The following HERC1 variants were observed in gnomAD, a reference collection of about 807,000 sequenced individuals.
The protein encoded by HERC1 is HECT and RLD domain containing E3 ubiquitin protein ligase family member 1.
In HERC1, 160 loss-of-function variants were observed where a neutral mutation model predicts 554.3. The observed-to-expected ratio is 0.29, with a 90% CI of 0.25 to 0.33. The LOEUF (loss-of-function observed/expected upper bound fraction) is 0.33. Among genes scored for constraint, HERC1 ranks in the 10% least tolerant of loss-of-function variants. The pLI, the probability that HERC1 is intolerant of heterozygous loss-of-function variation, is 1.00. For missense variants in HERC1, 4,919 were observed against 5,918.5 expected (o/e 0.83, Z 5.54); for synonymous variants, 2,175 against 2,131.7 (o/e 1.02, Z -0.56).
Position 63,623,804 on chromosome 15 carries a change from G to A in HERC1, c.13532C>T (p.Ala4511Val), listed in dbSNP as rs1424262968. 2 of 1,613,798 alleles carry A rather than the reference G, an allele frequency of 1.2e-6. No homozygotes were observed. The highest frequency in any genetic ancestry group is 1.7e-5 in the Admixed American group (1 of 60,016). Residue 4511 changes from alanine to valine, a missense_variant, in exon 73 of 78, where the codon GCG becomes GTG. Coordinates refer to ENST00000443617, the MANE Select transcript of HERC1 (RefSeq NM_003922.4). ...TTCTCCAACCAGCTTAACCTTCCAC[G>A]CTCGGGAAGGCAGGCGGAGGTCTGA... ...NASDLRLPSR[A>V]WKVKLVGEGA...
At chr15:63,621,368 T>A (rs2068070270) in intron 74 of HERC1, among the ~76,000 whole-genome samples, 1 of 152,270 alleles carries the variant, frequency 6.6e-6, no homozygotes, top group Non-Finnish European at 1.5e-5. Flanking sequence ...TATCTGCTGT[T>A]AGTCTGATGT....
chr15:63,784,045 A>G (rs955365296), intron 1 of HERC1, among the ~76,000 whole-genome samples: 1 of 149,440 alleles, frequency 6.7e-6, no homozygotes, highest in African/African-American at 2.5e-5. Flanking sequence ...CAGCCTGGTG[A>G]CACAGGAAGA....
In HERC1 at chr15:63,734,649, T is replaced by C; in HGVS notation, c.2646+75A>G. ...TATGCTCCAAGAACACATGGCAATTTATTAGTTTTATTTCCTTCTCAGTCC... is the reference window on the plus strand; with the variant it reads ...TATGCTCCAAGAACACATGGCAATTCATTAGTTTTATTTCCTTCTCAGTCC... On this transcript the variant is annotated intron_variant, in intron 13 of 77. Transcript: ENST00000443617. The surrounding 1 kb of genome is among the most constrained non-coding windows in gnomAD (Gnocchi z 4.6). 8.1e-7 allele frequency: 1 copy of C among 1,241,458 alleles called. No homozygotes were observed. Among genetic ancestry groups the C allele is most frequent in the Non-Finnish European group, 1.1e-6 (1 of 907,194 alleles). The allele number at this position is 1,241,458 out of a possible 1,614,324, so 76.9% of individuals were successfully genotyped here.
chr15:63,803,981 C>T (rs1011795218), intron 1 of HERC1, among the ~76,000 whole-genome samples: 1 of 152,142 alleles, frequency 6.6e-6, no homozygotes, highest in African/African-American at 2.4e-5. Flanking sequence ...AATAGACCCA[C>T]ATATATATGG....
chr15:63,625,476 T>A (rs1424240347), intron 71 of HERC1, among the ~76,000 whole-genome samples: 2 of 151,950 alleles, frequency 1.3e-5, no homozygotes, highest in Non-Finnish European at 2.9e-5. Context: ...GGGGGATCAT[T>A]TGAGGTCAGG....
At chr15:63,657,456 T>G (rs556148616) in intron 48 of HERC1, among the ~76,000 whole-genome samples, 2 of 152,252 alleles carry the variant, frequency 1.3e-5, no homozygotes, top group East Asian at 3.9e-4. Context: ...GTGAAACACT[T>G]CTTAATGTGT....
At chr15:63,615,975 G>A (rs901991690) in intron 75 of HERC1, 55 bp from the exon 76 acceptor site, 2 of 1,407,418 alleles carry the variant, frequency 1.4e-6, no homozygotes, top group Non-Finnish European at 9.6e-7. Flanking sequence ...ACAGCAAAAA[G>A]TATTTTACAT....
chr15:63,767,803 T>C (rs1485852118), intron 2 of HERC1, among the ~76,000 whole-genome samples: 1 of 152,214 alleles, frequency 6.6e-6, no homozygotes, highest in Admixed American at 6.5e-5. Context: ...GCAGAACTTT[T>C]TTGTCATCTA....
At chr15:63,706,525 T>C (rs538728882) in intron 25 of HERC1, among the ~76,000 whole-genome samples, 1 of 152,256 alleles carries the variant, frequency 6.6e-6, no homozygotes, top group East Asian at 1.9e-4. Flanking sequence ...ACATGACAAA[T>C]GAGAAAATAA....
intron 1 of HERC1, among the ~76,000 whole-genome samples, chr15:63,790,439 T>C (rs2076609374): frequency 6.6e-6 from 1 of 151,528 alleles, no homozygotes; most frequent in South Asian, 2.1e-4. Context: ...TAGCCGGGGG[T>C]AGTGGCGGGC....
At chr15:63,623,576 C>T (rs943321822) in intron 73 of HERC1, 149 bp downstream of exon 73, 13 of 738,212 alleles carry the variant, frequency 1.8e-5, no homozygotes, top group South Asian at 1.6e-4. Context: ...AATTTACCTA[C>T]GTATCACTAA....
At position 63,663,735 on chromosome 15, in the gene HERC1, TAGGCATGAGC is replaced by T. The variant is rs1240077103; in HGVS notation, c.8681-541_8681-532del. ...TCCACCTCCCAAAGTGCTGGGATTA[TAGGCATGAGC>T]CACTGATATAATGTTAATCATATAG... On this transcript the variant is annotated intron_variant, in intron 43 of 77. Transcript: ENST00000443617. Among the ~76,000 whole-genome samples, 5 of 152,180 alleles carry T rather than the reference TAGGCATGAGC, an allele frequency of 3.3e-5. 1 individual carries two copies. The highest frequency in any genetic ancestry group is 2.6e-4 in the Admixed American group (4 of 15,272).
intron 1 of HERC1, among the ~76,000 whole-genome samples, chr15:63,791,366 C>T (rs1036999027): frequency 6.6e-6 from 1 of 152,056 alleles, no homozygotes; most frequent in Non-Finnish European, 1.5e-5. Flanking sequence ...TATATATGTA[C>T]GTATACATAT....
Position 63,747,744 on chromosome 15 carries a change from T to C in HERC1, c.2334A>G (p.Pro778=), listed in dbSNP as rs2075108745. 6.5e-7 allele frequency: 1 copy of C among 1,546,420 alleles called. No homozygotes were observed. Among genetic ancestry groups the C allele is most frequent in the Non-Finnish European group, 8.7e-7 (1 of 1,144,000 alleles). Residue 778 remains proline, a synonymous_variant, in exon 11 of 78, where the codon CCA becomes CCG. Transcript: ENST00000443617. ...CATACCTTGATGAAGGGAAAGGGAG[T>C]GGGGGAATCTCACTGTTTATTTTAT... The part of the protein sequence containing the change: ...YCDKINSEIP[P]LPFPSSREHH...
chr15:63,622,989 G>T (rs1242187862), intron 73 of HERC1, 98 bp from the exon 74 acceptor site: 2 of 684,548 alleles, frequency 2.9e-6, no homozygotes, highest in East Asian at 3.1e-5. Flanking sequence ...AATATTTTGA[G>T]GAATTTATAA....
At chr15:63,802,031 T>TA (rs1397532336) in intron 1 of HERC1, among the ~76,000 whole-genome samples, 1 of 152,164 alleles carries the variant, frequency 6.6e-6, no homozygotes, top group East Asian at 1.9e-4. Context: ...ACACAGTACT[T>TA]AGAGAATCAT....
chr15:63,752,992 C>G lies in HERC1; in HGVS notation c.1868G>C (p.Ser623Thr). The G allele has an allele frequency of 6.2e-7, 1 of 1,613,674 alleles. No homozygotes were observed. The highest frequency in any genetic ancestry group is 8.5e-7 in the Non-Finnish European group (1 of 1,179,696). ...GMFIRKVCAG[S>T]QSSLALTSTG... is the part of the protein sequence containing the mutation. Reference sequence around the variant, plus strand: ...TGATGTCAAAGCAAGTGAAGACTGGCTCCCAGCACAAACTTTGCGAATGAA... The same window carrying G: ...TGATGTCAAAGCAAGTGAAGACTGGGTCCCAGCACAAACTTTGCGAATGAA... The change falls in exon 8 of 78, where the codon AGC becomes ACC. Residue 623 changes from serine (S) to threonine (T), a missense_variant. Ser to Thr is a moderately conservative substitution (Grantham distance 58, BLOSUM62 1). Coordinates refer to ENST00000443617, the MANE Select transcript of HERC1 (RefSeq NM_003922.4).
rs1236198372 is a variant in HERC1, at chr15:63,633,700, CA to C, written c.12693+147del. 4.3e-6 allele frequency: 3 copies of C among 705,654 alleles called. No homozygotes were observed. The African/African-American group carries it at 5.4e-5, about 13-fold the overall frequency. The allele number at this position is 705,654 out of a possible 1,614,324, so 43.7% of individuals were successfully genotyped here. A position where few individuals can be genotyped will look rare whatever the true frequency, so the allele number is the denominator to read the frequency against. ...TTAAAATCAAGACCTAGCATGTGGG[CA>C]TTCAAGAATGCACAACAGAAGCTTC... On this transcript the variant is annotated intron_variant, in intron 67 of 77. Transcript: ENST00000443617.
chr15:63,714,930 T>C lies in HERC1; in HGVS notation c.4151-1265A>G, dbSNP rs370145221. ...ATCAGTTAATATGGAAGTACAAACT[T>C]TAAAAATTGATCTGTATATTTTATA... On this transcript the variant is annotated intron_variant, in intron 22 of 77. Coordinates refer to ENST00000443617, the MANE Select transcript of HERC1 (RefSeq NM_003922.4). Among the ~76,000 whole-genome samples, 8 of 152,314 alleles carry C rather than the reference T, an allele frequency of 5.3e-5. No homozygotes were observed. In the South Asian group the frequency reaches 8.3e-4, roughly 16 times the overall value.
Sources: gnomAD v4.1 joint callset for allele counts (sites outside exome capture counted in the v4.1 genomes callset) on GRCh38, gnomAD v4.1.1 for gene constraint, Gnocchi (gnomAD v3.1) non-coding constraint, MANE v1.5 for transcripts, NCBI Gene and HGNC (gene_info 2026-07-23, HGNC 2026-07-21) for gene names.